The following METTL21A variants were observed in gnomAD, a reference collection of about 807,000 sequenced individuals.
METTL21A encodes the protein methyltransferase 21A, HSPA lysine.
METTL21A carries 22 observed loss-of-function variants against 20.9 expected under a neutral mutation model. The observed-to-expected ratio is 1.05, with a 90% CI of 0.75 to 1.50. The LOEUF is 1.50. Among genes scored for constraint, METTL21A ranks in the 40% most tolerant of loss-of-function variants. The pLI is 0.00. For synonymous variants in METTL21A, 93 were observed against 102.0 expected, an observed-to-expected ratio of 0.91 and a Z score of 0.53; for missense variants, 271 against 266.8, an observed-to-expected ratio of 1.02 and a Z score of -0.11.
At chr2:207,603,763 G>A (rs1449920108) in intron 3 of METTL21A, among the ~76,000 whole-genome samples, 1 of 152,116 alleles carries the variant, frequency 6.6e-6, no homozygotes, top group East Asian at 1.9e-4. Flanking sequence ...TACCTTCTCA[G>A]GTCCCCTTGC....
intron 3 of METTL21A, among the ~76,000 whole-genome samples, chr2:207,594,053 T>A (rs952541615): frequency 1.3e-5 from 2 of 152,174 alleles, no homozygotes; most frequent in Non-Finnish European, 2.9e-5. Context: ...TAGAAAATAT[T>A]ACCATGTCCT....
rs186674205 is a variant in METTL21A at position 207,595,073 on chromosome 2, G to C, written c.260-12913C>G. On this transcript the variant is annotated intron_variant, in intron 3 of 3. Coordinates refer to the METTL21A transcript ENST00000425132. ...TGCCGTGGTGCAATCTCGGCTTACT[G>C]CAACCTCTGCCTCCCGGGTTTAAGT... is the stretch of plus-strand genomic sequence containing the variant. Among the ~76,000 whole-genome samples the C allele has an allele frequency of 4.8e-5, 7 of 144,722 alleles. No individual in the cohort carries two copies. In the East Asian group the frequency reaches 1.4e-3, roughly 30 times the overall value. 94.9% of individuals were successfully genotyped at this position (144,722 alleles called of 152,430 possible). A position where few individuals can be genotyped will look rare whatever the true frequency, so the allele number is the denominator to read the frequency against.
intron 3 of METTL21A, among the ~76,000 whole-genome samples, chr2:207,621,180 T>C (rs1232563110): frequency 6.6e-6 from 1 of 152,182 alleles, no homozygotes; most frequent in Admixed American, 6.5e-5. Context: ...TAGTCAATAA[T>C]AAAAATAACA....
At chr2:207,604,831 C>G (rs941450401), downstream of METTL21A, among the ~76,000 whole-genome samples, 4 of 152,218 alleles carry the variant, frequency 2.6e-5, no homozygotes, top group Admixed American at 1.3e-4. Context: ...GACTCATACA[C>G]TGTGTATTAC....
intron 3 of METTL21A, chr2:207,602,178 G>C (rs2087176076): frequency 5.2e-6 from 1 of 193,282 alleles, no homozygotes; most frequent in African/African-American, 2.3e-5. Flanking sequence ...GATAACGTTT[G>C]AATGGAGGGA....
intron 3 of METTL21A, among the ~76,000 whole-genome samples, chr2:207,584,192 A>T (rs1403830512): frequency 6.6e-6 from 1 of 152,250 alleles, no homozygotes; most frequent in East Asian, 1.9e-4. Flanking sequence ...GTTGCATGAA[A>T]TGTAACTAAC....
chr2:207,599,427 A>G (rs1010754926), intron 3 of METTL21A: 1 of 201,164 alleles, frequency 5.0e-6, no homozygotes, highest in Non-Finnish European at 1.0e-5. Context: ...CTTTTTTTCA[A>G]AAGTTCAGGC....
intron 3 of METTL21A, among the ~76,000 whole-genome samples, chr2:207,584,071 T>C (rs2083394197): frequency 6.6e-6 from 1 of 152,262 alleles, no homozygotes; most frequent in Non-Finnish European, 1.5e-5. Flanking sequence ...TTATTCACTT[T>C]GAATTTCATC....
chr2:207,602,013 T>C (rs1325681427), intron 3 of METTL21A: 2 of 206,268 alleles, frequency 9.7e-6, no homozygotes, highest in African/African-American at 2.3e-5. Context: ...GCTGAACATA[T>C]CATGAAGCTG....
rs114752000 is a variant in METTL21A, at chr2:207,587,235, T to C, written c.260-5075A>G. On this transcript the variant is annotated intron_variant, in intron 3 of 3. Transcript: ENST00000425132. ...GGTGAAACTCCTTCTTTACTAAAAA[T>C]CCAAAAATTCAGCCAGGCATGGTGG... Among the ~76,000 whole-genome samples, 1,031 of 151,488 alleles carry C rather than the reference T, an allele frequency of 6.8e-3. 11 individuals carry two copies. Among genetic ancestry groups the C allele is most frequent in the African/African-American group, 0.024 (989 of 41,300 alleles).
intron 3 of METTL21A, chr2:207,601,227 T>C (rs1180013224): frequency 1.1e-5 from 2 of 185,770 alleles, no homozygotes; most frequent in Non-Finnish European, 2.3e-5. Flanking sequence ...ATTTACATTC[T>C]GTCCTTTGTA....
chr2:207,600,230 T>C (rs1398903777), intron 3 of METTL21A: 5 of 106,578 alleles, frequency 4.7e-5, no homozygotes, highest in Non-Finnish European at 9.6e-5. Context: ...TTGTATAATA[T>C]ATGTGTACAT....
At chr2:207,618,537 A>T (rs999703655) in intron 3 of METTL21A, among the ~76,000 whole-genome samples, 2 of 152,124 alleles carry the variant, frequency 1.3e-5, no homozygotes, top group Non-Finnish European at 2.9e-5. Flanking sequence ...CATCTCTATT[A>T]AAAATACAAA....
chr2:207,607,625 G>GAT (rs950903058), downstream of METTL21A, among the ~76,000 whole-genome samples: 10 of 62,368 alleles, frequency 1.6e-4, no homozygotes, highest in Non-Finnish European at 2.3e-4. Context: ...CCCTTTAAGT[G>GAT]ATAATCTACT....
At chr2:207,593,018 C>T (rs73056953) in intron 3 of METTL21A, among the ~76,000 whole-genome samples, 7,264 of 152,252 alleles carry the variant, frequency 0.048, 599 homozygotes, top group African/African-American at 0.17. Flanking sequence ...ATGTTGGAGA[C>T]GGTCACACAG....
intron 3 of METTL21A, among the ~76,000 whole-genome samples, chr2:207,586,063 A>C (rs1286016262): frequency 6.6e-6 from 1 of 152,182 alleles, no homozygotes; most frequent in African/African-American, 2.4e-5. Flanking sequence ...TCTAAGACAC[A>C]CTATTTTCAA....
At chr2:207,614,725 G>C (rs1434943854) in intron 3 of METTL21A, among the ~76,000 whole-genome samples, 2 of 152,100 alleles carry the variant, frequency 1.3e-5, no homozygotes, top group African/African-American at 2.4e-5. Context: ...AACCAATGTG[G>C]GTAAGAGAAG....
intron 3 of METTL21A, among the ~76,000 whole-genome samples, chr2:207,584,559 C>T (rs2083478248): frequency 6.6e-6 from 1 of 152,110 alleles, no homozygotes; most frequent in South Asian, 2.1e-4. Context: ...CACCTGCCAC[C>T]ACGTCTGATT....
At chr2:207,588,728 GTT>G (rs58013876) in intron 3 of METTL21A, among the ~76,000 whole-genome samples, 50,083 of 134,562 alleles carry the variant, frequency 0.37, 10,782 homozygotes, top group East Asian at 0.63. Flanking sequence ...CTGTTTTCTG[GTT>G]TTTTTTTTTT....
Sources: gnomAD v4.1 joint callset for allele counts (sites outside exome capture counted in the v4.1 genomes callset) on GRCh38, gnomAD v4.1.1 for gene constraint, MANE v1.5 for transcripts, NCBI Gene and HGNC (gene_info 2026-07-23, HGNC 2026-07-21) for gene names.